The following ZNF879 variants were observed in gnomAD, a reference collection of about 807,000 sequenced individuals.
The protein encoded by ZNF879 is zinc finger protein 879.
A neutral mutation model predicts 44.3 loss-of-function variants in ZNF879; 32 were observed. The ratio of observed to expected loss-of-function variants is 0.72; its 90% CI spans 0.54 to 0.97. The LOEUF is 0.97. Ranked by LOEUF, ZNF879 falls within the 50% of genes least tolerant of loss-of-function variation. The probability of loss-of-function intolerance (pLI) is 0.00; values close to 1 mark genes in which losing one functional copy is unlikely to be tolerated. For missense variants in ZNF879, 621 were observed against 669.7 expected (o/e 0.93, Z 0.80); for synonymous variants, 234 against 233.2 (o/e 1.00, Z -0.03).
chr5:179,024,110 C>A (rs1359845862), intron 1 of ZNF879, among the ~76,000 whole-genome samples: 1 of 152,184 alleles, frequency 6.6e-6, no homozygotes. Context: ...CGCCGCTGGA[C>A]TCCTGGGCCG....
At chr5:179,024,892 T>C in intron 1 of ZNF879, 78 bp from the exon 2 acceptor site, 2 of 1,187,472 alleles carry the variant, frequency 1.7e-6, no homozygotes, top group Non-Finnish European at 2.4e-6. Flanking sequence ...AGCTTATGGC[T>C]TCTAACCTGG....
At chr5:179,026,836 A>G (rs11960161) in intron 2 of ZNF879, among the ~76,000 whole-genome samples, 44,854 of 152,070 alleles carry the variant, frequency 0.29, 7,237 homozygotes, top group African/African-American at 0.43. Context: ...TCAGAGCAGT[A>G]ACATGCCATC....
intron 2 of ZNF879, among the ~76,000 whole-genome samples, chr5:179,025,242 CAG>C (rs926486048): frequency 1.3e-5 from 2 of 150,564 alleles, no homozygotes; most frequent in Admixed American, 6.6e-5. Context: ...TTTTTTGAGA[CAG>C]GGTCTCACTC....
chr5:179,027,362 T>A, intron 2 of ZNF879, 111 bp from the exon 3 acceptor site: 1 of 1,465,434 alleles, frequency 6.8e-7, no homozygotes, highest in Non-Finnish European at 9.3e-7. Context: ...ACTGAAAAGT[T>A]GTCCAGAAAC....
chr5:179,033,104 G>T lies in ZNF879; in HGVS notation c.1156G>T (p.Ala386Ser). 6.3e-7 allele frequency: 1 copy of T among 1,575,282 alleles called. No individual in the cohort carries two copies. Residue 386 changes from alanine to serine, a missense_variant, in exon 5 of 5, where the codon GCC (alanine) becomes TCC (serine). Transcript: ENST00000444149. The stretch of plus-strand genomic sequence containing the variant: ...TGGAAAAGTATTCAGCTATCACTCA[G>T]CCCTTATCATACATCAGAGAATTCA... The part of the protein sequence containing the change: ...ECGKVFSYHS[A>S]LIIHQRIHTG...
At chr5:179,025,312 C>T (rs376356301) in intron 2 of ZNF879, among the ~76,000 whole-genome samples, 1 of 151,954 alleles carries the variant, frequency 6.6e-6, no homozygotes, top group Non-Finnish European at 1.5e-5. Flanking sequence ...CTCAACCTCC[C>T]TGGTAGCTGG....
In ZNF879 at chr5:179,032,807, C is replaced by G. The variant is rs776985002; in HGVS notation, c.859C>G (p.Pro287Ala). The change falls in exon 5 of 5, where the codon CCT becomes GCT. Residue 287 changes from proline to alanine, a missense_variant. Pro to Ala is a conservative substitution (Grantham distance 27). Coordinates refer to ENST00000444149, the MANE Select transcript of ZNF879 (RefSeq NM_001136116.3). ...CCAGAGAATGCATACTGGAGAGAGA[C>G]CTTATAAATGCAAGGAATGTGGAAA... Reference protein sequence around the residue: ...GHQRMHTGERPYKCKECGKTF... With the variant: ...GHQRMHTGERAYKCKECGKTF... The G allele has an allele frequency of 1.9e-6, 3 of 1,554,530 alleles. No individual in the cohort carries two copies. Among genetic ancestry groups the G allele is most frequent in the Non-Finnish European group, 8.7e-7 (1 of 1,148,838 alleles).
chr5:179,031,302 G>A (rs1431632160), intron 4 of ZNF879, among the ~76,000 whole-genome samples: 1 of 152,030 alleles, frequency 6.6e-6, no homozygotes, highest in East Asian at 1.9e-4. Context: ...ATATAGCCTG[G>A]CCCACCTCTT....
chr5:179,027,686 G>A (rs979518848), intron 3 of ZNF879, 87 bp downstream of exon 3: 16 of 1,521,650 alleles, frequency 1.1e-5, no homozygotes, highest in East Asian at 9.6e-5. Flanking sequence ...TGGCCAGGTC[G>A]GCTCACAGGT....
intron 4 of ZNF879, among the ~76,000 whole-genome samples, chr5:179,029,778 A>G (rs896306706): frequency 1.3e-5 from 2 of 152,236 alleles, no homozygotes; most frequent in Non-Finnish European, 2.9e-5. Flanking sequence ...ACAGTGAGAG[A>G]GAGATACAGA....
intron 4 of ZNF879, among the ~76,000 whole-genome samples, chr5:179,031,059 A>T (rs1761403277): frequency 1.3e-5 from 2 of 152,040 alleles, no homozygotes; most frequent in South Asian, 4.1e-4. Context: ...TCTTATCACC[A>T]CATGCCAGTG....
At chr5:179,027,976 G>A in intron 3 of ZNF879, 56 bp from the exon 4 acceptor site, 2 of 1,488,070 alleles carry the variant, frequency 1.3e-6, no homozygotes, top group Non-Finnish European at 1.8e-6. Context: ...GGGCACTCTG[G>A]GGCTGGACCC....
intron 2 of ZNF879, 75 bp downstream of exon 2, chr5:179,025,112 C>T: frequency 6.7e-7 from 1 of 1,502,262 alleles, no homozygotes; most frequent in Non-Finnish European, 9.1e-7. Flanking sequence ...TGTTGTTGAG[C>T]TTCTCTACCC....
chr5:179,033,681 C>T lies in ZNF879; in HGVS notation c.*41C>T. On this transcript the variant is annotated 3_prime_UTR_variant, in exon 5 of 5. Transcript: ENST00000444149. ...TGCATGTAGGAACTGAAGTTATATTCCATACTGAGTATCAAAAAATTCATT... is the reference window on the plus strand; with the variant it reads ...TGCATGTAGGAACTGAAGTTATATTTCATACTGAGTATCAAAAAATTCATT... 2 of 1,366,398 alleles carry T rather than the reference C, an allele frequency of 1.5e-6. No individual in the cohort carries two copies. Among genetic ancestry groups the T allele is most frequent in the Non-Finnish European group, 2.0e-6 (2 of 1,024,412 alleles). 84.6% of individuals were successfully genotyped at this position (1,366,398 alleles called of 1,614,324 possible).
rs1312895024 is a variant in ZNF879 at position 179,033,313 on chromosome 5, A to G, written c.1365A>G (p.Pro455=). The G allele has an allele frequency of 6.4e-6, 10 of 1,573,740 alleles. No individual in the cohort carries two copies. Among genetic ancestry groups the G allele is most frequent in the East Asian group, 2.4e-5 (1 of 42,222 alleles). Residue 455 remains proline (P), a synonymous_variant, in exon 5 of 5, where the codon CCA becomes CCG. Transcript: ENST00000444149. ...ACAGAATTCACACTGGAGAGAAACC[A>G]TATAATTGTAAGGAATGTGGAAAAG... ...IHHRIHTGEK[P]YNCKECGKAF...
At position 179,024,922 on chromosome 5, in the gene ZNF879, GC is replaced by G. The variant is rs375803285; in HGVS notation, c.-35-47del. ...ACCTGGTCTGGCCTAATGAGGGTGG[GC>G]ATGCAGGCTGGATGAAAAGACCTCA... On this transcript the variant is annotated intron_variant, in intron 1 of 4. Coordinates refer to ENST00000444149, the MANE Select transcript of ZNF879 (RefSeq NM_001136116.3). 877 of 1,421,334 alleles carry G rather than the reference GC, an allele frequency of 6.2e-4. 6 individuals are homozygous for G. The African/African-American group carries it at 0.012, about 19-fold the overall frequency. The allele number at this position is 1,421,334 out of a possible 1,614,324, so 88.0% of individuals were successfully genotyped here.
chr5:179,031,942 C>T (rs1362055682), intron 4 of ZNF879, among the ~76,000 whole-genome samples: 2 of 152,158 alleles, frequency 1.3e-5, no homozygotes, highest in Non-Finnish European at 2.9e-5. Context: ...AGAAGGGCCT[C>T]ATAGCCTAGC....
At chr5:179,023,961 G>A (rs1176116864) in intron 1 of ZNF879, 57 bp downstream of exon 1, 3 of 152,488 alleles carry the variant, frequency 2.0e-5, no homozygotes, top group Admixed American at 6.5e-5. Flanking sequence ...GCGGGACCAG[G>A]ACGAGGGCTG....
rs772213908 is a variant in ZNF879, at chr5:179,033,073, C to T, written c.1125C>T (p.Asn375=). The change falls in exon 5 of 5, where the codon AAC becomes AAT. Residue 375 remains asparagine (N), a synonymous_variant. Transcript: ENST00000444149. ...CTGGAGAGAAACCCTTTCATTGTAA[C>T]GAGTGTGGAAAAGTATTCAGCTATC... ...IHTGEKPFHC[N]ECGKVFSYHS... The T allele has an allele frequency of 1.3e-4, 208 of 1,563,818 alleles. 1 individual carries two copies. The highest frequency in any genetic ancestry group is 1.7e-4 in the Middle Eastern group (1 of 6,028).
Sources: gnomAD v4.1 joint callset for allele counts (sites outside exome capture counted in the v4.1 genomes callset) on GRCh38, gnomAD v4.1.1 for gene constraint, MANE v1.5 for transcripts, NCBI Gene and HGNC (gene_info 2026-07-23, HGNC 2026-07-21) for gene names.